RALGAPA2: variants seen among roughly 807,000 people sequenced by gnomAD.
RALGAPA2 encodes ral GTPase-activating protein subunit alpha-2.
A neutral mutation model predicts 230.4 loss-of-function variants in RALGAPA2; 139 were observed. That is an observed-to-expected ratio of 0.60 (90% CI 0.53 to 0.69). RALGAPA2 has a LOEUF of 0.69. Ranked by LOEUF, RALGAPA2 falls within the 30% of genes least tolerant of loss-of-function variation. The pLI is 0.00. For synonymous variants in RALGAPA2, 847 were observed against 837.8 expected, an observed-to-expected ratio of 1.01 and a Z score of -0.19; for missense variants, 2,163 against 2,276.0, an observed-to-expected ratio of 0.95 and a Z score of 1.01.
intron 20 of RALGAPA2, among the ~76,000 whole-genome samples, chr20:20,582,192 GTGTGTC>G (rs964995744): frequency 4.0e-5 from 6 of 151,618 alleles, no homozygotes; most frequent in Admixed American, 3.9e-4. Context: ...GTGTGTGTGT[GTGTGTC>G]TGTGTGTGTG....
At chr20:20,498,555 T>A (rs565021886) in intron 35 of RALGAPA2, among the ~76,000 whole-genome samples, 1 of 152,280 alleles carries the variant, frequency 6.6e-6, no homozygotes, top group Non-Finnish European at 1.5e-5. Context: ...GAGTCGTCTG[T>A]TTGATTGAAG....
At chr20:20,448,554 TTGAG>T (rs1277227827) in intron 37 of RALGAPA2, among the ~76,000 whole-genome samples, 21 of 152,198 alleles carry the variant, frequency 1.4e-4, no homozygotes, top group African/African-American at 4.8e-4. Flanking sequence ...AATATATTAC[TTGAG>T]TGTTACTATT....
chr20:20,570,699 A>T (rs939815761), intron 23 of RALGAPA2, among the ~76,000 whole-genome samples: 1 of 152,186 alleles, frequency 6.6e-6, no homozygotes, highest in African/African-American at 2.4e-5. Flanking sequence ...CCAATCTCTG[A>T]TTCTATCCTA....
rs1473562615 is a variant in RALGAPA2, at chr20:20,619,424, A to G, written c.1402-10T>C. ...AACTTTCAGATGAGGCCTTCAGAAG[A>G]TAATGATCCATTAACAGAGTGGAAG... On this transcript the variant is annotated splice_polypyrimidine_tract_variant and intron_variant, in intron 11 of 39. Transcript: ENST00000202677. 1 of 1,587,238 alleles carries G rather than the reference A, an allele frequency of 6.3e-7. No homozygotes were observed. The highest frequency in any genetic ancestry group is 1.3e-5 in the African/African-American group (1 of 74,646).
chr20:20,701,162 A>G (rs1003063956), intron 1 of RALGAPA2, among the ~76,000 whole-genome samples: 27 of 152,334 alleles, frequency 1.8e-4, no homozygotes, highest in Non-Finnish European at 3.4e-4. Context: ...TCTGCCACTC[A>G]TTGGATGTGT....
At chr20:20,569,925 T>C (rs908500684) in intron 23 of RALGAPA2, among the ~76,000 whole-genome samples, 1 of 152,170 alleles carries the variant, frequency 6.6e-6, no homozygotes, top group Non-Finnish European at 1.5e-5. Context: ...TATTGTTAAG[T>C]AAACCTTCCT....
chr20:20,531,568 T>C (rs1307128580), intron 27 of RALGAPA2, 119 bp downstream of exon 27: 2 of 899,750 alleles, frequency 2.2e-6, no homozygotes, highest in Non-Finnish European at 3.5e-6. Flanking sequence ...GCACATGCAA[T>C]GGGAATCACA....
intron 36 of RALGAPA2, among the ~76,000 whole-genome samples, chr20:20,475,772 G>T (rs2061637039): frequency 6.6e-6 from 1 of 152,108 alleles, no homozygotes; most frequent in Non-Finnish European, 1.5e-5. Flanking sequence ...AAGAAGAAGG[G>T]TAGGGGAGAA....
chr20:20,665,995 T>C (rs1288546053), intron 3 of RALGAPA2, among the ~76,000 whole-genome samples: 2 of 152,222 alleles, frequency 1.3e-5, no homozygotes, highest in Non-Finnish European at 2.9e-5. Flanking sequence ...ATAACAATAA[T>C]GTTATCATTT....
intron 37 of RALGAPA2, among the ~76,000 whole-genome samples, chr20:20,431,708 C>A (rs2060505298): frequency 6.6e-6 from 1 of 152,104 alleles, no homozygotes; most frequent in African/African-American, 2.4e-5. Flanking sequence ...GTTCTCACCA[C>A]AAATAAATGT....
chr20:20,425,698 C>T (rs2060368576), intron 37 of RALGAPA2, among the ~76,000 whole-genome samples: 2 of 152,190 alleles, frequency 1.3e-5, no homozygotes, highest in South Asian at 2.1e-4. Context: ...TTGCAAAGCA[C>T]ACCTGAGTGA....
intron 23 of RALGAPA2, 25 bp downstream of exon 23, chr20:20,571,433 T>A (rs755662737): frequency 1.3e-6 from 2 of 1,582,484 alleles, no homozygotes; most frequent in African/African-American, 2.7e-5. Context: ...TAATGGGCAA[T>A]CACAATAAAG....
intron 23 of RALGAPA2, among the ~76,000 whole-genome samples, chr20:20,561,400 C>T (rs918661059): frequency 6.6e-6 from 1 of 152,222 alleles, no homozygotes; most frequent in African/African-American, 2.4e-5. Flanking sequence ...CCTGAGCCCC[C>T]TTCCTGCCTC....
chr20:20,406,554 G>C (rs1175844873), intron 38 of RALGAPA2, among the ~76,000 whole-genome samples: 2 of 152,236 alleles, frequency 1.3e-5, no homozygotes, highest in African/African-American at 4.8e-5. Context: ...CAAGTGTGCT[G>C]AGGGTGCTGA....
rs1320819923 is a variant in RALGAPA2, at chr20:20,620,503, T to C, written c.1361A>G (p.Asp454Gly). 6.2e-7 allele frequency: 1 copy of C among 1,613,842 alleles called. No homozygotes were observed. The highest frequency in any genetic ancestry group is 1.3e-5 in the African/African-American group (1 of 74,938). Residue 454 changes from aspartate (D) to glycine (G), a missense_variant, in exon 11 of 40, where the codon GAT (aspartate) becomes GGT (glycine). Physicochemically the swap from Asp to Gly is moderately conservative, Grantham distance 94. Transcript: ENST00000202677. ...EPDRKDVAQEDAEKLGFSETD... is the reference protein window; with the variant it reads ...EPDRKDVAQEGAEKLGFSETD... ...CTCGGAAAATCCTAATTTTTCAGCA[T>C]CTTCTTGGGCAACATCTTTTCTATC... is the stretch of plus-strand genomic sequence containing the variant.
At chr20:20,425,025 C>T (rs1024063686) in intron 37 of RALGAPA2, among the ~76,000 whole-genome samples, 47 of 152,164 alleles carry the variant, frequency 3.1e-4, no homozygotes, top group African/African-American at 4.8e-5. Context: ...GTTTACTCTT[C>T]GACCATTCTA....
At chr20:20,429,628 C>T (rs957871821) in intron 37 of RALGAPA2, among the ~76,000 whole-genome samples, 4 of 152,158 alleles carry the variant, frequency 2.6e-5, no homozygotes, top group African/African-American at 9.7e-5. Flanking sequence ...ATTTTGAAGA[C>T]AATCAGTACA....
At chr20:20,528,146 T>C (rs1311704348) in intron 27 of RALGAPA2, among the ~76,000 whole-genome samples, 1 of 152,154 alleles carries the variant, frequency 6.6e-6, no homozygotes, top group Non-Finnish European at 1.5e-5. Flanking sequence ...GTCGGTCGGA[T>C]ACAGGGGGCT....
At chr20:20,616,284 A>G (rs757237727) in intron 12 of RALGAPA2, 93 bp from the exon 13 acceptor site, 39 of 982,548 alleles carry the variant, frequency 4.0e-5, no homozygotes, top group Admixed American at 7.2e-5. Context: ...TCTACCAATG[A>G]AATCATTTTT....
Sources: allele counts gnomAD v4.1 joint callset (sites outside exome capture counted in the v4.1 genomes callset), GRCh38; gene constraint gnomAD v4.1.1; transcripts MANE v1.5; gene names NCBI Gene and HGNC (gene_info 2026-07-23, HGNC 2026-07-21).